PRKG1: variants seen among roughly 807,000 people sequenced by gnomAD.
The protein encoded by PRKG1 is protein kinase cGMP-dependent 1, also known as cGMP-dependent protein kinase 1.
PRKG1 carries 35 observed loss-of-function variants against 88.1 expected under a neutral mutation model. That is an observed-to-expected ratio of 0.40 (90% confidence interval 0.30 to 0.53). The LOEUF (loss-of-function observed/expected upper bound fraction) is 0.53, where lower values mean the gene tolerates loss of function less well. Ranked by LOEUF, PRKG1 falls within the 20% of genes least tolerant of loss-of-function variation. The pLI is 0.59. For missense variants in PRKG1, 540 were observed against 839.8 expected, an observed-to-expected ratio of 0.64 and a Z score of 4.41; for synonymous variants, 303 against 292.5, an observed-to-expected ratio of 1.04 and a Z score of -0.37.
rs1564547338 is a variant in PRKG1 at position 51,554,057 on chromosome 10, A to ATGTGTATATATTATATGTG, written c.592+86221_592+86222insTGTGTATATATTATATGTG. ...TATATATTATATGTGCGTATGTGAT[A>ATGTGTATATATTATATGTG]CGTGTATATATTATATGTGCGTATG... On this transcript the variant is annotated intron_variant, in intron 3 of 17. Transcript: ENST00000373980. Among the ~76,000 whole-genome samples the ATGTGTATATATTATATGTG allele has an allele frequency of 3.0e-5, 4 of 134,146 alleles. 2 individuals are homozygous for ATGTGTATATATTATATGTG. Among genetic ancestry groups the ATGTGTATATATTATATGTG allele is most frequent in the East Asian group, 4.4e-4 (2 of 4,570 alleles). The allele number at this position is 134,146 out of a possible 152,430, so 88.0% of individuals were successfully genotyped here. A position where few individuals can be genotyped will look rare whatever the true frequency, so the allele number is the denominator to read the frequency against.
At chr10:52,157,121 T>C (rs1838131306) in intron 8 of PRKG1, among the ~76,000 whole-genome samples, 1 of 151,024 alleles carries the variant, frequency 6.6e-6, no homozygotes, top group Non-Finnish European at 1.5e-5. Context: ...AAATATTCTA[T>C]TTTTAAAATG....
intron 5 of PRKG1, among the ~76,000 whole-genome samples, chr10:52,049,324 A>G (rs528842428): frequency 3.1e-4 from 47 of 152,232 alleles, no homozygotes; most frequent in Non-Finnish European, 5.3e-4. Flanking sequence ...CAAAGTCCCT[A>G]GAAGGGATCC....
intron 2 of PRKG1, among the ~76,000 whole-genome samples, chr10:51,438,246 A>G (rs958979526): frequency 6.6e-6 from 1 of 151,954 alleles, no homozygotes; most frequent in Admixed American, 6.6e-5. Context: ...ACCCACAATC[A>G]GTTTCCCCTG....
At chr10:51,884,363 T>C (rs1156882444) in intron 4 of PRKG1, among the ~76,000 whole-genome samples, 1 of 129,126 alleles carries the variant, frequency 7.7e-6, no homozygotes, top group African/African-American at 2.9e-5. Flanking sequence ...GAGAATGGCG[T>C]GAACCCGGGA....
intron 1 of PRKG1, among the ~76,000 whole-genome samples, chr10:51,049,484 C>A (rs1843534714): frequency 6.6e-6 from 1 of 152,090 alleles, no homozygotes; most frequent in South Asian, 2.1e-4. Flanking sequence ...TTTTCATTCC[C>A]CTGCTTTTCT....
At chr10:51,665,881 AAATAGAGGTAGAG>A (rs1237738311) in intron 3 of PRKG1, among the ~76,000 whole-genome samples, 1 of 152,100 alleles carries the variant, frequency 6.6e-6, no homozygotes, top group African/African-American at 2.4e-5. Context: ...GTTGATTGCT[AAATAGAGGTAGAG>A]AGAGCTAGAG....
intron 9 of PRKG1, among the ~76,000 whole-genome samples, chr10:52,163,463 T>G (rs1838337267): frequency 6.6e-6 from 1 of 151,836 alleles, no homozygotes; most frequent in South Asian, 2.1e-4. Context: ...AAGCAACTAT[T>G]AATTAATAGA....
chr10:51,481,346 A>T (rs1840352903), intron 3 of PRKG1, among the ~76,000 whole-genome samples: 1 of 151,992 alleles, frequency 6.6e-6, no homozygotes, highest in South Asian at 2.1e-4. Flanking sequence ...CTCACAGGTT[A>T]AAGCAATTCT....
At chr10:51,876,290 A>G (rs1841298172) in intron 4 of PRKG1, among the ~76,000 whole-genome samples, 1 of 152,200 alleles carries the variant, frequency 6.6e-6, no homozygotes, top group Non-Finnish European at 1.5e-5. Context: ...AAAGGGAAGC[A>G]TTTTAAATAG....
chr10:51,084,672 A>G (rs1285571221), intron 1 of PRKG1, among the ~76,000 whole-genome samples: 1 of 152,210 alleles, frequency 6.6e-6, no homozygotes, highest in East Asian at 1.9e-4. Context: ...ATATGCATCA[A>G]AAAACAGATC....
chr10:51,586,412 T>C (rs1007599799), intron 3 of PRKG1, among the ~76,000 whole-genome samples: 2 of 152,040 alleles, frequency 1.3e-5, no homozygotes, highest in Admixed American at 6.6e-5. Context: ...AAGGAAGAAA[T>C]TGACATGAGG....
intron 3 of PRKG1, among the ~76,000 whole-genome samples, chr10:51,562,576 G>A (rs4497349): frequency 0.92 from 139,734 of 152,042 alleles, 64,365 homozygotes; most frequent in East Asian, 1. Flanking sequence ...ATTGGGAATA[G>A]CAAGATAAAT....
chr10:51,276,433 A>G (rs1049777440), intron 2 of PRKG1, among the ~76,000 whole-genome samples: 6 of 152,176 alleles, frequency 3.9e-5, no homozygotes, highest in African/African-American at 1.4e-4. Flanking sequence ...ATACATGTGC[A>G]TGTGTCTTTA....
intron 2 of PRKG1, among the ~76,000 whole-genome samples, chr10:51,305,284 A>G (rs1841007331): frequency 1.3e-5 from 2 of 152,310 alleles, no homozygotes; most frequent in Non-Finnish European, 2.9e-5. Flanking sequence ...GAAAAAGAAC[A>G]GTAACCTTTA....
At chr10:51,412,272 A>G (rs867895449) in intron 2 of PRKG1, among the ~76,000 whole-genome samples, 8 of 151,982 alleles carry the variant, frequency 5.3e-5, no homozygotes, top group African/African-American at 1.9e-4. Context: ...ACAGGGCCTC[A>G]GGAAAAAAGG....
At chr10:51,831,155 C>A (rs1839997520) in intron 4 of PRKG1, among the ~76,000 whole-genome samples, 1 of 152,068 alleles carries the variant, frequency 6.6e-6, no homozygotes, top group Non-Finnish European at 1.5e-5. Flanking sequence ...ATTTAAGAGA[C>A]ACAAGGCCTT....
At chr10:51,597,283 A>G (rs951020955) in intron 3 of PRKG1, among the ~76,000 whole-genome samples, 4 of 152,098 alleles carry the variant, frequency 2.6e-5, no homozygotes, top group South Asian at 2.1e-4. Context: ...AACATTGGTC[A>G]TCTGTCCAGA....
At chr10:51,635,285 CAAAAAA>C (rs141088007) in intron 3 of PRKG1, among the ~76,000 whole-genome samples, 251 of 108,850 alleles carry the variant, frequency 2.3e-3, no homozygotes, top group African/African-American at 7.4e-3. Context: ...ATTATTTTAG[CAAAAAA>C]AAAAAAAAAA....
chr10:51,930,031 G>C (rs1842656249), intron 5 of PRKG1, among the ~76,000 whole-genome samples: 1 of 152,088 alleles, frequency 6.6e-6, no homozygotes, highest in African/African-American at 2.4e-5. Context: ...TTAGGTAGCA[G>C]CATGTCTAGA....
Sources: gnomAD v4.1 joint callset for allele counts (sites outside exome capture counted in the v4.1 genomes callset) on GRCh38, gnomAD v4.1.1 for gene constraint, MANE v1.5 for transcripts, NCBI Gene and HGNC (gene_info 2026-07-23, HGNC 2026-07-21) for gene names.